Variants in SUFU observed in about 807,000 individuals in gnomAD.
The protein encoded by SUFU is suppressor of fused homolog.
In SUFU, 7 loss-of-function variants were observed where a neutral mutation model predicts 58.9. The ratio of observed to expected loss-of-function variants is 0.12; its 90% CI spans 0.07 to 0.22. The LOEUF (loss-of-function observed/expected upper bound fraction) is 0.22, where lower values mean the gene tolerates loss of function less well. SUFU is among the 10% of genes least tolerant of loss of function. The pLI is 1.00. For missense variants in SUFU, 451 were observed against 641.3 expected, an observed-to-expected ratio of 0.70 and a Z score of 3.20; for synonymous variants, 232 against 254.8, an observed-to-expected ratio of 0.91 and a Z score of 0.85.
chr10:102,557,595 G>A (rs1286661130), intron 3 of SUFU, among the ~76,000 whole-genome samples: 2 of 152,102 alleles, frequency 1.3e-5, no homozygotes, highest in African/African-American at 4.8e-5. Flanking sequence ...ACTCCACCCT[G>A]GACAGCAGAG....
chr10:102,508,068 C>T (rs931357421), intron 1 of SUFU, among the ~76,000 whole-genome samples: 1 of 150,146 alleles, frequency 6.7e-6, no homozygotes, highest in Non-Finnish European at 1.5e-5. Context: ...GTTGTCCAGG[C>T]GATTCTCCTG....
chr10:102,611,416 C>A (rs2063621557), intron 8 of SUFU, among the ~76,000 whole-genome samples: 1 of 152,170 alleles, frequency 6.6e-6, no homozygotes, highest in Admixed American at 6.5e-5. Context: ...TTGGGCCTTT[C>A]CAGAGCACCA....
chr10:102,534,596 G>GAGCA (rs2062714155), intron 2 of SUFU, among the ~76,000 whole-genome samples: 1 of 152,252 alleles, frequency 6.6e-6, no homozygotes, highest in Non-Finnish European at 1.5e-5. Flanking sequence ...CCTCTGCGTA[G>GAGCA]GTGTAAGGGG....
At chr10:102,557,210 A>G (rs2062990769) in intron 3 of SUFU, among the ~76,000 whole-genome samples, 1 of 151,372 alleles carries the variant, frequency 6.6e-6, no homozygotes, top group African/African-American at 2.4e-5. Context: ...AGCCTGGGTG[A>G]TAGAGCAAGA....
At chr10:102,587,652 C>T (rs1479381894) in intron 3 of SUFU, among the ~76,000 whole-genome samples, 4 of 152,150 alleles carry the variant, frequency 2.6e-5, no homozygotes, top group South Asian at 4.2e-4. Context: ...CCACTACGCC[C>T]GGCAAATTTT....
chr10:102,547,447 C>G (rs999372688), intron 2 of SUFU, among the ~76,000 whole-genome samples: 8 of 152,188 alleles, frequency 5.3e-5, no homozygotes, highest in Non-Finnish European at 1.0e-4. Context: ...TCCAAAATTC[C>G]ACGTGTGTAC....
chr10:102,593,526 C>A, intron 4 of SUFU, 110 bp from the exon 5 acceptor site: 1 of 1,068,142 alleles, frequency 9.4e-7, no homozygotes, highest in Non-Finnish European at 1.5e-6. Flanking sequence ...GAGCACAGAT[C>A]CTGCCTGTGG....
At chr10:102,527,696 C>T (rs1054958806) in intron 2 of SUFU, among the ~76,000 whole-genome samples, 1 of 152,144 alleles carries the variant, frequency 6.6e-6, no homozygotes, top group African/African-American at 2.4e-5. Context: ...TCAGCCATGA[C>T]ATGATGTATT....
intron 8 of SUFU, among the ~76,000 whole-genome samples, chr10:102,613,359 G>A (rs963295267): frequency 6.6e-6 from 1 of 152,270 alleles, no homozygotes; most frequent in Admixed American, 6.5e-5. Context: ...AGATCCAGGA[G>A]TGAGTCCTCA....
chr10:102,630,287 G>A lies in SUFU; in HGVS notation c.*132G>A, dbSNP rs142272829. On this transcript the variant is annotated 3_prime_UTR_variant, in exon 12 of 12. Coordinates refer to ENST00000369902, the MANE Select transcript of SUFU (RefSeq NM_016169.4). ...GAGGAAGACTGCGCAGTGCCACCCCGCAGCCCAGTGGGGTGCCATGCACAG... is the reference window on the plus strand; with the variant it reads ...GAGGAAGACTGCGCAGTGCCACCCCACAGCCCAGTGGGGTGCCATGCACAG... 2.1e-5 allele frequency: 17 copies of A among 815,506 alleles called. No individual in the cohort carries two copies. Among genetic ancestry groups the A allele is most frequent in the African/African-American group, 5.1e-5 (3 of 59,202 alleles). 50.5% of individuals were successfully genotyped at this position (815,506 alleles called of 1,614,324 possible). A position where few individuals can be genotyped will look rare whatever the true frequency, so the allele number is the denominator to read the frequency against.
chr10:102,596,311 G>C (rs1450627510), intron 6 of SUFU, among the ~76,000 whole-genome samples: 1 of 152,208 alleles, frequency 6.6e-6, no homozygotes, highest in African/African-American at 2.4e-5. Flanking sequence ...CATGGACATA[G>C]AGCCTTCCAG....
At chr10:102,512,790 C>G (rs1482675351) in intron 2 of SUFU, among the ~76,000 whole-genome samples, 1 of 152,134 alleles carries the variant, frequency 6.6e-6, no homozygotes, top group East Asian at 1.9e-4. Context: ...ATAGGCTGCG[C>G]ATGGTGCCTC....
chr10:102,632,797 C>T lies in SUFU; in HGVS notation c.*2642C>T, dbSNP rs570705661. On this transcript the variant is annotated 3_prime_UTR_variant, in exon 12 of 12. Transcript: ENST00000369902. ...GCTTCTGAGAAGGGCCTTTCCCTTTCCTCTTTGCCTGCTATATAAGGCAGG... is the reference window on the plus strand; with the variant it reads ...GCTTCTGAGAAGGGCCTTTCCCTTTTCTCTTTGCCTGCTATATAAGGCAGG... 8.6e-6 allele frequency: 2 copies of T among 233,410 alleles called. No homozygotes were observed. Among genetic ancestry groups the T allele is most frequent in the South Asian group, 3.6e-4 (2 of 5,530 alleles). The allele number at this position is 233,410 out of a possible 1,614,324, so 14.5% of individuals were successfully genotyped here. A position where few individuals can be genotyped will look rare whatever the true frequency, so the allele number is the denominator to read the frequency against.
chr10:102,578,618 G>C (rs1325037291), intron 3 of SUFU, among the ~76,000 whole-genome samples: 1 of 151,246 alleles, frequency 6.6e-6, no homozygotes, highest in African/African-American at 2.4e-5. Context: ...TGAGGCAGGA[G>C]AACTGCTTGG....
intron 3 of SUFU, among the ~76,000 whole-genome samples, chr10:102,572,396 T>C (rs1045872461): frequency 2.5e-4 from 37 of 148,644 alleles, no homozygotes; most frequent in African/African-American, 9.1e-4. Context: ...TTCTTTCTTT[T>C]TTTTTTTTTT....
At chr10:102,507,640 A>G (rs2062343652) in intron 1 of SUFU, among the ~76,000 whole-genome samples, 1 of 152,270 alleles carries the variant, frequency 6.6e-6, no homozygotes, top group South Asian at 2.1e-4. Flanking sequence ...CTATCCACAA[A>G]GGCAAATAAT....
intron 2 of SUFU, among the ~76,000 whole-genome samples, chr10:102,526,545 C>G (rs556851061): frequency 9.2e-5 from 14 of 151,914 alleles, no homozygotes; most frequent in Admixed American, 2.6e-4. Flanking sequence ...AGAGTGAGAC[C>G]CTGTCTTAAA....
chr10:102,611,070 C>T (rs35485301), intron 8 of SUFU, among the ~76,000 whole-genome samples: 26,671 of 152,198 alleles, frequency 0.18, 2,935 homozygotes, highest in Middle Eastern at 0.28. Flanking sequence ...TTGCCACACA[C>T]GACACTTCAC....
intron 9 of SUFU, among the ~76,000 whole-genome samples, chr10:102,616,074 C>T: frequency 6.6e-6 from 1 of 152,078 alleles, no homozygotes; most frequent in South Asian, 2.1e-4. Context: ...TCTATTTTCT[C>T]CTGCTTGCTG....
Sources: allele counts gnomAD v4.1 joint callset (sites outside exome capture counted in the v4.1 genomes callset), GRCh38; gene constraint gnomAD v4.1.1; transcripts MANE v1.5; gene names NCBI Gene and HGNC (gene_info 2026-07-23, HGNC 2026-07-21).